TNFAIP8: variants seen among roughly 807,000 people sequenced by gnomAD.
TNFAIP8 encodes TNF alpha induced protein 8.
Under a neutral mutation model 13.3 loss-of-function variants are expected in TNFAIP8, and 7 were observed. The ratio of observed to expected loss-of-function variants is 0.52; its 90% CI spans 0.30 to 0.99. TNFAIP8 has a LOEUF of 0.99. Among genes scored for constraint, TNFAIP8 ranks in the 50% least tolerant of loss-of-function variants. The pLI is 0.07. For missense variants in TNFAIP8, 258 were observed against 236.9 expected, an observed-to-expected ratio of 1.09 and a Z score of -0.58; for synonymous variants, 94 against 87.6, an observed-to-expected ratio of 1.07 and a Z score of -0.41.
rs1753134838 is a variant in TNFAIP8 at position 119,398,934 on chromosome 5, T to C, written c.*5553T>C. 1 of 152,198 alleles carries C rather than the reference T, an allele frequency of 6.6e-6. No individual in the cohort carries two copies. Among genetic ancestry groups the C allele is most frequent in the Non-Finnish European group, 1.5e-5 (1 of 68,026 alleles). 9.4% of individuals were successfully genotyped at this position (152,198 alleles called of 1,614,324 possible). ...TTGTCAGCATCTTTTGCTGCTCTCT[T>C]CTAAGACCATTGGTTTTCACTAAAG... On this transcript the variant is annotated 3_prime_UTR_variant, in exon 2 of 2. Transcript: ENST00000504771.
intron 1 of TNFAIP8, among the ~76,000 whole-genome samples, chr5:119,390,967 T>C (rs9764678): frequency 0.32 from 47,565 of 150,550 alleles, 7,845 homozygotes; most frequent in African/African-American, 0.41. Context: ...TACAGGTGCA[T>C]GCCACCACAC....
intron 1 of TNFAIP8, among the ~76,000 whole-genome samples, chr5:119,297,025 TTA>T (rs1277940361): frequency 1.3e-5 from 2 of 152,172 alleles, no homozygotes; most frequent in Non-Finnish European, 2.9e-5. Flanking sequence ...CTTTTTTTCT[TTA>T]TTAGTCTTGC....
intron 1 of TNFAIP8, among the ~76,000 whole-genome samples, chr5:119,300,338 G>A (rs531263813): frequency 4.6e-5 from 7 of 152,278 alleles, no homozygotes; most frequent in Admixed American, 1.3e-4. Context: ...TTGGTTCAGC[G>A]TATTCTCTTT....
At chr5:119,335,644 C>T (rs1180445677) in intron 1 of TNFAIP8, among the ~76,000 whole-genome samples, 1 of 152,036 alleles carries the variant, frequency 6.6e-6, no homozygotes, top group Non-Finnish European at 1.5e-5. Context: ...CCCTTCCAGC[C>T]ATCCATGGAC....
chr5:119,391,613 G>A (rs569306893), intron 1 of TNFAIP8: 3 of 480,780 alleles, frequency 6.2e-6, no homozygotes, highest in Admixed American at 3.2e-5. Context: ...TACACAATTA[G>A]CCGGGCATGG....
chr5:119,301,139 T>A (rs1382310035), intron 1 of TNFAIP8, among the ~76,000 whole-genome samples: 5 of 152,324 alleles, frequency 3.3e-5, no homozygotes, highest in Non-Finnish European at 5.9e-5. Flanking sequence ...GCATTACTTC[T>A]TATGTAAAAA....
At chr5:119,314,332 C>T (rs1749822160) in intron 1 of TNFAIP8, among the ~76,000 whole-genome samples, 2 of 152,224 alleles carry the variant, frequency 1.3e-5, no homozygotes, top group Non-Finnish European at 2.9e-5. Flanking sequence ...AGTCCCTGTC[C>T]TCTTGGAACT....
chr5:119,380,871 A>G (rs1212506484), intron 1 of TNFAIP8, among the ~76,000 whole-genome samples: 1 of 152,168 alleles, frequency 6.6e-6, no homozygotes, highest in Admixed American at 6.5e-5. Context: ...TGTTTAGAAA[A>G]CATTTTATCT....
chr5:119,298,283 C>G (rs1255372706), intron 1 of TNFAIP8, among the ~76,000 whole-genome samples: 1 of 151,906 alleles, frequency 6.6e-6, no homozygotes, highest in South Asian at 2.1e-4. Context: ...CCTTCAGGAG[C>G]TCTTTTAGGG....
intron 1 of TNFAIP8, among the ~76,000 whole-genome samples, chr5:119,308,335 CTCTT>C (rs1006616901): frequency 1.3e-5 from 2 of 151,046 alleles, no homozygotes; most frequent in African/African-American, 4.9e-5. Context: ...ATCTGTTTCT[CTCTT>C]TCTGTTTAAT....
chr5:119,365,506 A>G (rs1350380100), intron 1 of TNFAIP8, among the ~76,000 whole-genome samples: 1 of 152,212 alleles, frequency 6.6e-6, no homozygotes, highest in Non-Finnish European at 1.5e-5. Context: ...GAGGTACTGT[A>G]TAAATAAGGA....
At chr5:119,292,645 CATAT>C (rs56896742) in intron 1 of TNFAIP8, among the ~76,000 whole-genome samples, 41 of 32,826 alleles carry the variant, frequency 1.2e-3, no homozygotes, top group South Asian at 2.3e-3. Flanking sequence ...ATCAATGTAG[CATAT>C]ATATATATAT....
intron 1 of TNFAIP8, among the ~76,000 whole-genome samples, chr5:119,331,351 C>G (rs2112706854): frequency 6.6e-6 from 1 of 152,048 alleles, no homozygotes; most frequent in East Asian, 1.9e-4. Flanking sequence ...TCTTTGTTCC[C>G]AAATCAAGTA....
At chr5:119,346,731 A>C (rs1750912841) in intron 1 of TNFAIP8, among the ~76,000 whole-genome samples, 1 of 152,216 alleles carries the variant, frequency 6.6e-6, no homozygotes, top group Non-Finnish European at 1.5e-5. Context: ...TCATTCATGC[A>C]AGCATCTGAG....
At chr5:119,389,968 T>C (rs757055469) in intron 1 of TNFAIP8, among the ~76,000 whole-genome samples, 3 of 152,242 alleles carry the variant, frequency 2.0e-5, no homozygotes, top group Non-Finnish European at 4.4e-5. Flanking sequence ...TGAAGTGCTG[T>C]ATCATAGAGT....
At chr5:119,347,253 A>G (rs1004277165) in intron 1 of TNFAIP8, among the ~76,000 whole-genome samples, 1 of 152,210 alleles carries the variant, frequency 6.6e-6, no homozygotes, top group Non-Finnish European at 1.5e-5. Context: ...GCTCCTTCTC[A>G]TGCTTACTCT....
Position 119,360,331 on chromosome 5 carries a change from C to T in TNFAIP8, c.31+4210C>T, listed in dbSNP as rs185581031. 1.1e-4 allele frequency among the ~76,000 whole-genome samples: 16 copies of T among 152,316 alleles called. No individual in the cohort carries two copies. The East Asian group carries it at 3.1e-3, about 29-fold the overall frequency. Reference sequence around the variant, plus strand: ...TACCTATAAATCATTTATTTGTCAGCATTTCTGTCTTTATGCTAGCAACTT... The same window carrying T: ...TACCTATAAATCATTTATTTGTCAGTATTTCTGTCTTTATGCTAGCAACTT... On this transcript the variant is annotated intron_variant, in intron 1 of 1. Transcript: ENST00000504771.
chr5:119,349,653 T>C (rs1751044652), intron 1 of TNFAIP8, among the ~76,000 whole-genome samples: 1 of 152,196 alleles, frequency 6.6e-6, no homozygotes, highest in South Asian at 2.1e-4. Context: ...TACTGAACTT[T>C]TGATTTAAAA....
At chr5:119,348,383 A>G (rs1276073250) in intron 1 of TNFAIP8, among the ~76,000 whole-genome samples, 2 of 152,242 alleles carry the variant, frequency 1.3e-5, no homozygotes, top group African/African-American at 4.8e-5. Flanking sequence ...GGCAGTGGTT[A>G]GAGTGGAAAT....
Sources: gnomAD v4.1 joint callset for allele counts (sites outside exome capture counted in the v4.1 genomes callset) on GRCh38, gnomAD v4.1.1 for gene constraint, MANE v1.5 for transcripts, NCBI Gene and HGNC (gene_info 2026-07-23, HGNC 2026-07-21) for gene names.